The following SUSD1 variants were observed in gnomAD, a reference collection of about 807,000 sequenced individuals.
The protein encoded by SUSD1 is sushi domain containing 1.
Under a neutral mutation model 86.9 loss-of-function variants are expected in SUSD1, and 65 were observed. That is an observed-to-expected ratio of 0.75 (90% CI 0.61 to 0.92). The LOEUF is 0.92. Among genes scored for constraint, SUSD1 ranks in the 40% least tolerant of loss-of-function variants. The probability of loss-of-function intolerance (pLI) is 0.00; values close to 1 mark genes in which losing one functional copy is unlikely to be tolerated. For synonymous variants in SUSD1, 346 were observed against 350.0 expected (o/e 0.99, Z 0.13); for missense variants, 850 against 929.7 (o/e 0.91, Z 1.11).
At chr9:112,080,694 A>AAG (rs1199458039) in intron 10 of SUSD1, among the ~76,000 whole-genome samples, 14 of 151,510 alleles carry the variant, frequency 9.2e-5, no homozygotes, top group Non-Finnish European at 5.9e-5. Context: ...TCTCAAGAAA[A>AAG]AAAAAAAAAA....
intron 12 of SUSD1, among the ~76,000 whole-genome samples, chr9:112,074,050 C>T (rs541978477): frequency 1.2e-3 from 179 of 152,146 alleles, no homozygotes; most frequent in African/African-American, 3.9e-3. Context: ...AACCCCATCT[C>T]TACTAAACAT....
At chr9:112,158,592 A>G (rs1235476980) in intron 1 of SUSD1, among the ~76,000 whole-genome samples, 2 of 151,832 alleles carry the variant, frequency 1.3e-5, no homozygotes, top group African/African-American at 4.8e-5. Flanking sequence ...GGGTCTCCCT[A>G]TGTTGTCAAG....
At chr9:112,079,325 T>C (rs1007822238) in intron 11 of SUSD1, among the ~76,000 whole-genome samples, 3 of 152,118 alleles carry the variant, frequency 2.0e-5, no homozygotes, top group African/African-American at 7.2e-5. Flanking sequence ...TTCTCACACA[T>C]ACAGTGCACA....
intron 10 of SUSD1, among the ~76,000 whole-genome samples, chr9:112,093,435 C>T (rs1830281160): frequency 6.6e-6 from 1 of 152,142 alleles, no homozygotes; most frequent in African/African-American, 2.4e-5. Flanking sequence ...CTCTGCTTTT[C>T]GGCCTGAGAC....
intron 8 of SUSD1, among the ~76,000 whole-genome samples, chr9:112,107,349 T>C (rs1443574197): frequency 6.6e-6 from 1 of 151,120 alleles, no homozygotes; most frequent in East Asian, 1.9e-4. Flanking sequence ...CTTGGGAGGC[T>C]AAGGCACAAG....
chr9:112,076,749 G>T (rs1167063867), intron 12 of SUSD1, among the ~76,000 whole-genome samples: 2 of 152,140 alleles, frequency 1.3e-5, no homozygotes, highest in Non-Finnish European at 2.9e-5. Context: ...CTGAAGAGGG[G>T]TCATAAAAGT....
At chr9:112,166,280 G>C (rs1833825062) in intron 1 of SUSD1, among the ~76,000 whole-genome samples, 1 of 152,174 alleles carries the variant, frequency 6.6e-6, no homozygotes, top group African/African-American at 2.4e-5. Flanking sequence ...GAATCACCTG[G>C]AGACGGAGTG....
At chr9:112,066,865 T>G (rs1484569965) in intron 12 of SUSD1, among the ~76,000 whole-genome samples, 1 of 151,938 alleles carries the variant, frequency 6.6e-6, no homozygotes, top group African/African-American at 2.4e-5. Context: ...GATTGGAGGT[T>G]TTATTTTTTG....
intron 8 of SUSD1, among the ~76,000 whole-genome samples, chr9:112,109,811 C>T (rs187367299): frequency 1.3e-5 from 2 of 152,220 alleles, no homozygotes. Context: ...TGATTAGTTA[C>T]CATATTAATT....
chr9:112,135,464 T>G (rs927713584), intron 5 of SUSD1, among the ~76,000 whole-genome samples: 1 of 152,050 alleles, frequency 6.6e-6, no homozygotes, highest in Non-Finnish European at 1.5e-5. Flanking sequence ...AGCATGAATG[T>G]TAAGGGAAAA....
chr9:112,078,019 TC>T (rs1335546405), intron 12 of SUSD1, among the ~76,000 whole-genome samples: 3 of 151,648 alleles, frequency 2.0e-5, no homozygotes, highest in African/African-American at 7.3e-5. Flanking sequence ...CCCACAGACC[TC>T]CCCTGTGGTT....
chr9:112,070,099 G>T (rs138831036), intron 12 of SUSD1, among the ~76,000 whole-genome samples: 4,449 of 152,100 alleles, frequency 0.029, 131 homozygotes, highest in East Asian at 0.12. Context: ...TCCGCCTCCC[G>T]GGCTCAAGCA....
chr9:112,159,670 C>A (rs1016323102), intron 1 of SUSD1, among the ~76,000 whole-genome samples: 6 of 152,036 alleles, frequency 3.9e-5, no homozygotes, highest in African/African-American at 1.2e-4. Flanking sequence ...ATTCTTAGGA[C>A]AAAGGGAATA....
At chr9:112,130,554 AAAG>A (rs1433404190) in intron 5 of SUSD1, among the ~76,000 whole-genome samples, 3 of 150,124 alleles carry the variant, frequency 2.0e-5, no homozygotes, top group African/African-American at 7.3e-5. Context: ...GAAGGAAAGA[AAAG>A]AAAGGAAAGA....
chr9:112,165,853 A>AAG (rs1564357663), intron 1 of SUSD1, among the ~76,000 whole-genome samples: 3 of 144,370 alleles, frequency 2.1e-5, no homozygotes, highest in African/African-American at 8.0e-5. Context: ...AAAGAGAAAG[A>AAG]GAAGGAAGGA....
chr9:112,156,838 A>G (rs1052292503), intron 2 of SUSD1, among the ~76,000 whole-genome samples: 1 of 152,214 alleles, frequency 6.6e-6, no homozygotes, highest in Non-Finnish European at 1.5e-5. Flanking sequence ...TGCTGGGAGG[A>G]AATTGGAAGA....
chr9:112,063,268 G>A (rs1041945677), intron 12 of SUSD1, among the ~76,000 whole-genome samples: 1 of 152,130 alleles, frequency 6.6e-6, no homozygotes, highest in African/African-American at 2.4e-5. Context: ...AATTCATAGA[G>A]ACAGAAGAAG....
chr9:112,051,549 A>G (rs1033930266), intron 15 of SUSD1, among the ~76,000 whole-genome samples: 9 of 149,948 alleles, frequency 6.0e-5, no homozygotes, highest in African/African-American at 2.2e-4. Flanking sequence ...CTCCTGCCTC[A>G]GCCTCCCGAG....
chr9:112,095,580 C>T (rs572448606), intron 10 of SUSD1, among the ~76,000 whole-genome samples: 1 of 152,316 alleles, frequency 6.6e-6, no homozygotes, highest in African/African-American at 2.4e-5. Context: ...GGAAACCCAA[C>T]AGCAGCTCAC....
Sources: allele counts gnomAD v4.1 joint callset (sites outside exome capture counted in the v4.1 genomes callset), GRCh38; gene constraint gnomAD v4.1.1; transcripts MANE v1.5; gene names NCBI Gene and HGNC (gene_info 2026-07-23, HGNC 2026-07-21).